TAS1R2: variants seen among roughly 807,000 people sequenced by gnomAD.
The protein encoded by TAS1R2 is taste 1 receptor member 2.
Under a neutral mutation model 49.3 loss-of-function variants are expected in TAS1R2, and 47 were observed. That is an observed-to-expected ratio of 0.95 (90% CI 0.75 to 1.22). The LOEUF (loss-of-function observed/expected upper bound fraction) is 1.22, where lower values mean the gene tolerates loss of function less well. Ranked by LOEUF, TAS1R2 falls within the 50% of genes most tolerant of loss-of-function variation. TAS1R2 has a pLI of 0.00. For synonymous variants in TAS1R2, 479 were observed against 467.9 expected (o/e 1.02, Z -0.31); for missense variants, 1,155 against 1,122.1 (o/e 1.03, Z -0.42).
intron 4 of TAS1R2, 98 bp downstream of exon 4, chr1:18,849,243 C>A: frequency 7.8e-7 from 1 of 1,283,360 alleles, no homozygotes. Context: ...GATAAAGCAT[C>A]TCCAGGCTCT....
chr1:18,840,353 C>T, exon 6 of TAS1R2: 7 of 1,614,174 alleles, frequency 4.3e-6, no homozygotes, highest in Non-Finnish European at 5.9e-6. Context: ...CTGGAAGTGC[C>T]TCCAGAATAT....
chr1:18,857,578 A>G, exon 2 of TAS1R2: 4 of 1,614,090 alleles, frequency 2.5e-6, no homozygotes, highest in Non-Finnish European at 3.4e-6. Flanking sequence ...GATCTCCTCC[A>G]CCGCAAAGCG....
At position 18,854,313 on chromosome 1, in the gene TAS1R2, T is replaced by C. The variant is rs762997087; in HGVS notation, c.1157A>G (p.Tyr386Cys). ...AGCATAGACCGCAGAGTACACGCTG[T>C]AGACGACACGCTCCCCAGAGAGCCT... Residue 386 changes from tyrosine to cysteine, a missense_variant, in exon 3 of 6, where the codon TAC becomes TGC. Coordinates refer to ENST00000375371, the Ensembl canonical transcript of TAS1R2. The surrounding 1 kb of genome is among the most constrained non-coding windows in gnomAD (Gnocchi z 4.9). 5.0e-6 allele frequency: 8 copies of C among 1,613,998 alleles called. No homozygotes were observed. The highest frequency in any genetic ancestry group is 1.3e-5 in the African/African-American group (1 of 74,932).
rs1301450025 is a variant in TAS1R2, at chr1:18,840,209, AAG to A, written c.1908_1909del (p.Phe637SerfsTer72). The A allele has an allele frequency of 6.2e-7, 1 of 1,614,052 alleles. No homozygotes were observed. The highest frequency in any genetic ancestry group is 1.3e-5 in the African/African-American group (1 of 74,930). ...GATGCAGATTGTGAAGCAGAGGGGA[AAG>A]AGGGCCTGGCGGCAGAGGCAGGTGG... On this transcript the variant is annotated frameshift_variant, in exon 6 of 6. Coordinates refer to ENST00000375371, the Ensembl canonical transcript of TAS1R2. LOFTEE classifies it low-confidence loss of function (END_TRUNC).
exon 5 of TAS1R2, chr1:18,841,735 T>A: frequency 6.2e-7 from 1 of 1,613,440 alleles, no homozygotes; most frequent in Non-Finnish European, 8.5e-7. Flanking sequence ...ATACCTTCAG[T>A]GTGGTTGAGG....
At chr1:18,857,266 G>A (rs1225402519) in intron 2 of TAS1R2, 65 bp downstream of exon 2, 2 of 1,525,122 alleles carry the variant, frequency 1.3e-6, no homozygotes, top group Non-Finnish European at 8.9e-7. Context: ...TGGCTTCTGA[G>A]GCCTCTAGAC....
intron 1 of TAS1R2, among the ~76,000 whole-genome samples, chr1:18,857,937 T>TCCATCACCA: frequency 6.6e-6 from 1 of 152,040 alleles, no homozygotes; most frequent in South Asian, 2.1e-4. Context: ...CACTAAGACT[T>TCCATCACCA]CCATCACCAC....
rs1372245160 is a variant in TAS1R2, at chr1:18,859,505, G to A, written c.156C>T (p.Asn52=). The A allele has an allele frequency of 1.9e-6, 3 of 1,614,180 alleles. No homozygotes were observed. The Admixed American group carries it at 5.0e-5, about 27-fold the overall frequency. ...CCTTGCACATGGGCACCTGCAGGAA[G>A]TTAAGGTGAACAATGCCCTTCATGT... The change falls in exon 1 of 6, where the codon AAC becomes AAT. Residue 52 remains asparagine, a synonymous_variant. Transcript: ENST00000375371.
chr1:18,848,175 A>G (rs1010372773), intron 4 of TAS1R2, among the ~76,000 whole-genome samples: 2 of 152,144 alleles, frequency 1.3e-5, no homozygotes, highest in Non-Finnish European at 2.9e-5. Flanking sequence ...GCCACAGACT[A>G]GCTGTATGCT....
chr1:18,846,513 T>C (rs1287547839), intron 4 of TAS1R2, among the ~76,000 whole-genome samples: 1 of 152,248 alleles, frequency 6.6e-6, no homozygotes, highest in Non-Finnish European at 1.5e-5. Flanking sequence ...CAGGCTCTGC[T>C]TTCTGGGAGA....
chr1:18,854,598 T>C lies in TAS1R2; in HGVS notation c.872A>G (p.Gln291Arg). 4 of 1,614,050 alleles carry C rather than the reference T, an allele frequency of 2.5e-6. No individual in the cohort carries two copies. Among genetic ancestry groups the C allele is most frequent in the Non-Finnish European group, 3.4e-6 (4 of 1,179,994 alleles). The change falls in exon 3 of 6, where the codon CAG becomes CGG. Residue 291 changes from glutamine (Q) to arginine (R), a missense_variant. Coordinates refer to ENST00000375371, the Ensembl canonical transcript of TAS1R2. The surrounding 1 kb of genome is among the most constrained non-coding windows in gnomAD (Gnocchi z 4.9). ...GATCCACACGGCGCCAGTGAAGTTC[T>C]GGCGCAGCACCTCATTGAAGAAGTG... is the stretch of plus-strand genomic sequence containing the variant.
At chr1:18,859,577 G>A in exon 1 of TAS1R2, 2 of 1,614,232 alleles carry the variant, frequency 1.2e-6, no homozygotes, top group Non-Finnish European at 1.7e-6. Flanking sequence ...CCCCAGGCAG[G>A]TAGAAGTCCG....
chr1:18,849,362 G>A (rs754586965), exon 4 of TAS1R2: 7 of 1,614,114 alleles, frequency 4.3e-6, no homozygotes, highest in Non-Finnish European at 5.9e-6. Context: ...TGGTGTGCCA[G>A]GAGATGTCTT....
At chr1:18,846,988 TGCTCCAGCCATGTAACAAGGTG>T (rs1933933884) in intron 4 of TAS1R2, among the ~76,000 whole-genome samples, 1 of 152,248 alleles carries the variant, frequency 6.6e-6, no homozygotes, top group Non-Finnish European at 1.5e-5. Context: ...TCTCTCTTGC[TGCTCCAGCCATGTAACAAGGTG>T]GCTCCCCCTT....
chr1:18,852,199 C>T (rs1324123783), intron 3 of TAS1R2, among the ~76,000 whole-genome samples: 5 of 150,968 alleles, frequency 3.3e-5, no homozygotes, highest in East Asian at 3.9e-4. Context: ...ACTTGGGATA[C>T]CTGTTATGAC....
exon 6 of TAS1R2, chr1:18,840,504 GGCA>G: frequency 6.2e-7 from 1 of 1,614,160 alleles, no homozygotes; most frequent in Non-Finnish European, 8.5e-7. Flanking sequence ...TCGTTATTCG[GGCA>G]GGCCTGGCAT....
chr1:18,855,067 C>G (rs1934115621), intron 2 of TAS1R2, 81 bp from the exon 3 acceptor site: 1 of 1,531,348 alleles, frequency 6.5e-7, no homozygotes, highest in South Asian at 1.3e-5. Context: ...CCACCATCAT[C>G]ATCTGGGAAG....
intron 2 of TAS1R2, among the ~76,000 whole-genome samples, chr1:18,856,064 C>T (rs1030142475): frequency 6.6e-6 from 1 of 152,174 alleles, no homozygotes; most frequent in Non-Finnish European, 1.5e-5. Flanking sequence ...CTTTACTCCT[C>T]TTCTCAGAAC....
At chr1:18,841,569 G>C (rs1433812383) in intron 5 of TAS1R2, among the ~76,000 whole-genome samples, 160 bp downstream of exon 5, 1 of 152,168 alleles carries the variant, frequency 6.6e-6, no homozygotes, top group South Asian at 2.1e-4. Context: ...GTTTTGGGAG[G>C]ATACAAGAGG....
Sources: allele counts gnomAD v4.1 joint callset (sites outside exome capture counted in the v4.1 genomes callset), GRCh38; gene constraint gnomAD v4.1.1; non-coding constraint Gnocchi (gnomAD v3.1); transcripts MANE v1.5; gene names NCBI Gene and HGNC (gene_info 2026-07-23, HGNC 2026-07-21).